CPM: variants seen among roughly 807,000 people sequenced by gnomAD.
CPM encodes renal carboxypeptidase.
In CPM, 35 loss-of-function variants were observed where a neutral mutation model predicts 46.4. That is an observed-to-expected ratio of 0.75 (90% CI 0.58 to 1.00). CPM has a LOEUF of 1.00. Among genes scored for constraint, CPM ranks in the 50% least tolerant of loss-of-function variants. The probability of loss-of-function intolerance (pLI) is 0.00; values close to 1 mark genes in which losing one functional copy is unlikely to be tolerated. For synonymous variants in CPM, 195 were observed against 195.3 expected, an observed-to-expected ratio of 1.00 and a Z score of 0.01; for missense variants, 422 against 530.4, an observed-to-expected ratio of 0.80 and a Z score of 2.01.
chr12:68,937,455 A>T (rs535429589), upstream of CPM, among the ~76,000 whole-genome samples: 1 of 152,216 alleles, frequency 6.6e-6, no homozygotes, highest in African/African-American at 2.4e-5. Flanking sequence ...TCAGTGCACA[A>T]CACAGCCTCC....
chr12:68,871,442 C>T (rs1319995709), intron 4 of CPM, among the ~76,000 whole-genome samples: 1 of 152,002 alleles, frequency 6.6e-6, no homozygotes, highest in African/African-American at 2.4e-5. Context: ...GGAGGAAATG[C>T]TATTTAGGCA....
chr12:68,909,772 A>G (rs771932689), intron 2 of CPM, among the ~76,000 whole-genome samples: 50 of 142,858 alleles, frequency 3.5e-4, no homozygotes, highest in Non-Finnish European at 6.3e-4. Context: ...ACTCATAAGT[A>G]GGAGTTGAAC....
Position 68,852,490 on chromosome 12 carries a change from TAAAG to T in CPM, c.*3943_*3946del, listed in dbSNP as rs1273175512. The T allele has an allele frequency of 6.6e-6, 1 of 152,012 alleles. No individual in the cohort carries two copies. Among genetic ancestry groups the T allele is most frequent in the African/African-American group, 2.4e-5 (1 of 41,374 alleles). 9.4% of individuals were successfully genotyped at this position (152,012 alleles called of 1,614,324 possible). ...CGGGGGGTGGTCTCCATTTTACAGA[TAAAG>T]AAACTGAATGTGTGGCGGATTTGAA... On this transcript the variant is annotated 3_prime_UTR_variant, in exon 9 of 9. Transcript: ENST00000551568.
chr12:68,880,112 A>C (rs1487283302), intron 3 of CPM, among the ~76,000 whole-genome samples: 1 of 151,656 alleles, frequency 6.6e-6, no homozygotes, highest in Non-Finnish European at 1.5e-5. Context: ...AATTAAAAAA[A>C]AAAGATTCAA....
At chr12:68,910,238 A>G (rs1887538911) in intron 2 of CPM, among the ~76,000 whole-genome samples, 2 of 152,246 alleles carry the variant, frequency 1.3e-5, no homozygotes, top group South Asian at 4.1e-4. Flanking sequence ...AGATAAGATT[A>G]TACCACAGAA....
chr12:68,939,783 T>C (rs1341804092), intron 1 of CPM, among the ~76,000 whole-genome samples: 1 of 152,176 alleles, frequency 6.6e-6, no homozygotes, highest in Admixed American at 6.5e-5. Flanking sequence ...ACTGGTGATA[T>C]GTGAAAATGC....
At chr12:68,930,282 A>G (rs1888446904) in intron 2 of CPM, among the ~76,000 whole-genome samples, 2 of 152,208 alleles carry the variant, frequency 1.3e-5, no homozygotes, top group African/African-American at 4.8e-5. Flanking sequence ...ACGTTTCACC[A>G]TGTTGGCCAG....
chr12:68,904,088 C>A (rs1194934565), intron 2 of CPM, among the ~76,000 whole-genome samples: 2 of 152,246 alleles, frequency 1.3e-5, no homozygotes, highest in East Asian at 3.9e-4. Flanking sequence ...CTTTGTTGCC[C>A]AGGCTGGTCC....
intron 5 of CPM, chr12:68,842,446 T>C (rs1371730594): frequency 2.3e-6 from 1 of 443,684 alleles, no homozygotes; most frequent in Non-Finnish European, 4.4e-6. Context: ...TTTGGAGACT[T>C]AGAACCTCTA....
Position 68,919,059 on chromosome 12 carries a change from T to C in CPM, c.160+13619A>G, listed in dbSNP as rs144981303. On this transcript the variant is annotated intron_variant, in intron 2 of 8. Coordinates refer to ENST00000551568, the MANE Select transcript of CPM (RefSeq NM_198320.5). The stretch of plus-strand genomic sequence containing the variant: ...CTGGTCTCACTTCTGTTCTACTCTT[T>C]CCACCTCGAGGCCTTTGCACATCAC... Among the ~76,000 whole-genome samples the C allele has an allele frequency of 3.4e-3, 516 of 152,326 alleles. 3 individuals carry two copies. The highest frequency in any genetic ancestry group is 0.012 in the African/African-American group (491 of 41,554).
rs113231942 is a variant in CPM, at chr12:68,909,965, A to C, written c.160+22713T>G. ...CAAACCTGCACATTCTGCACATGTAACCCAGAACTTAAAAGTATAATAATA... is the reference window on the plus strand; with the variant it reads ...CAAACCTGCACATTCTGCACATGTACCCCAGAACTTAAAAGTATAATAATA... On this transcript the variant is annotated intron_variant, in intron 2 of 8. Coordinates refer to ENST00000551568, the MANE Select transcript of CPM (RefSeq NM_198320.5). 2.2e-3 allele frequency among the ~76,000 whole-genome samples: 340 copies of C among 152,046 alleles called. 2 individuals are homozygous for C. The highest frequency in any genetic ancestry group is 5.5e-3 in the African/African-American group (228 of 41,462).
At chr12:68,932,605 G>A (rs1888555422) in intron 2 of CPM, 73 bp downstream of exon 2, 1 of 1,553,256 alleles carries the variant, frequency 6.4e-7, no homozygotes, top group Non-Finnish European at 8.8e-7. Context: ...CAGACAGGAA[G>A]CTGGGGCATA....
chr12:68,956,453 G>A (rs917194580), intron 1 of CPM, among the ~76,000 whole-genome samples: 2 of 152,204 alleles, frequency 1.3e-5, no homozygotes, highest in East Asian at 1.9e-4. Context: ...CCCCAGCCAC[G>A]CCTCCCCCAC....
chr12:68,940,910 A>G (rs1389243420), intron 1 of CPM, among the ~76,000 whole-genome samples: 1 of 152,130 alleles, frequency 6.6e-6, no homozygotes, highest in Non-Finnish European at 1.5e-5. Flanking sequence ...AACTCTATGC[A>G]CACTGTTGTG....
At chr12:68,931,072 C>T (rs935040861) in intron 2 of CPM, among the ~76,000 whole-genome samples, 1 of 152,162 alleles carries the variant, frequency 6.6e-6, no homozygotes, top group Non-Finnish European at 1.5e-5. Context: ...ACACACCCAA[C>T]CTCTATAATT....
intron 2 of CPM, among the ~76,000 whole-genome samples, chr12:68,932,155 T>C (rs1287831826): frequency 1.3e-5 from 2 of 152,236 alleles, no homozygotes; most frequent in Admixed American, 1.3e-4. Context: ...AGAACTGTAC[T>C]ACTTAGATTA....
intron 2 of CPM, among the ~76,000 whole-genome samples, chr12:68,895,661 G>T (rs1013472163): frequency 1.3e-5 from 2 of 152,088 alleles, no homozygotes; most frequent in African/African-American, 4.8e-5. Flanking sequence ...TTGTGGAGGT[G>T]GCCCAGAAGT....
intron 2 of CPM, among the ~76,000 whole-genome samples, chr12:68,899,000 A>G (rs1887003930): frequency 3.9e-5 from 6 of 152,242 alleles, no homozygotes; most frequent in Admixed American, 3.9e-4. Flanking sequence ...ATGATGTAGT[A>G]TCAGACCAAT....
rs985626994 is a variant in CPM, at chr12:68,911,537, T to C, written c.160+21141A>G. The stretch of plus-strand genomic sequence containing the variant: ...GATTCATTGAGATACAGCAGGAACA[T>C]TGCCTAGCCCTGTGCCTGACATCAA... On this transcript the variant is annotated intron_variant, in intron 2 of 8. Coordinates refer to ENST00000551568, the MANE Select transcript of CPM (RefSeq NM_198320.5). Among the ~76,000 whole-genome samples the C allele has an allele frequency of 4.0e-4, 61 of 151,728 alleles. 1 individual carries two copies. Among genetic ancestry groups the C allele is most frequent in the Non-Finnish European group, 4.1e-4 (28 of 67,820 alleles).
Sources: allele counts gnomAD v4.1 joint callset (sites outside exome capture counted in the v4.1 genomes callset), GRCh38; gene constraint gnomAD v4.1.1; transcripts MANE v1.5; gene names NCBI Gene and HGNC (gene_info 2026-07-23, HGNC 2026-07-21).